CDH12: variants seen among roughly 807,000 people sequenced by gnomAD.
CDH12 encodes the protein cadherin 12.
In CDH12, 41 loss-of-function variants were observed where a neutral mutation model predicts 74.1. The ratio of observed to expected loss-of-function variants is 0.55; its 90% CI spans 0.43 to 0.72. CDH12 has a LOEUF of 0.72. Ranked by LOEUF, CDH12 falls within the 30% of genes least tolerant of loss-of-function variation. The pLI, the probability that CDH12 is intolerant of heterozygous loss-of-function variation, is 0.00. For synonymous variants in CDH12, 399 were observed against 355.0 expected (o/e 1.12, Z -1.39); for missense variants, 945 against 977.2 (o/e 0.97, Z 0.44).
intron 1 of CDH12, among the ~76,000 whole-genome samples, chr5:22,603,688 T>A (rs903086404): frequency 1.3e-5 from 2 of 152,146 alleles, no homozygotes; most frequent in African/African-American, 4.8e-5. Flanking sequence ...TCAAATAATT[T>A]GATCTCAGAA....
chr5:22,002,198 T>C (rs1339267041), intron 5 of CDH12, among the ~76,000 whole-genome samples: 1 of 152,174 alleles, frequency 6.6e-6, no homozygotes, highest in Non-Finnish European at 1.5e-5. Context: ...TGATAGTCAT[T>C]TAATTTTGTA....
intron 3 of CDH12, among the ~76,000 whole-genome samples, chr5:22,302,369 TG>T (rs1737922910): frequency 3.9e-5 from 6 of 152,188 alleles, no homozygotes; most frequent in Admixed American, 2.6e-4. Context: ...TATATAAGTG[TG>T]ATAAAATTTC....
chr5:21,977,026 T>C (rs1449242462), intron 5 of CDH12, among the ~76,000 whole-genome samples: 1 of 152,106 alleles, frequency 6.6e-6, no homozygotes, highest in Admixed American at 6.5e-5. Flanking sequence ...TTCATATTAA[T>C]GTTATTAAGG....
chr5:22,828,853 G>A (rs1394044846), intron 1 of CDH12, among the ~76,000 whole-genome samples: 1 of 152,074 alleles, frequency 6.6e-6, no homozygotes, highest in African/African-American at 2.4e-5. Context: ...CATGATAGTT[G>A]TATGTTTATA....
At chr5:22,712,829 A>G (rs944968180) in intron 1 of CDH12, among the ~76,000 whole-genome samples, 23 of 152,306 alleles carry the variant, frequency 1.5e-4, no homozygotes, top group African/African-American at 5.5e-4. Context: ...CATTTTCCCA[A>G]CAAATAAAAA....
intron 1 of CDH12, among the ~76,000 whole-genome samples, chr5:22,758,682 C>T (rs1195340189): frequency 6.6e-6 from 1 of 151,968 alleles, no homozygotes; most frequent in African/African-American, 2.4e-5. Context: ...TAAATTGTAA[C>T]ATCATATTTT....
chr5:22,746,169 G>C (rs1354965858), intron 1 of CDH12, among the ~76,000 whole-genome samples: 1 of 152,144 alleles, frequency 6.6e-6, no homozygotes, highest in Non-Finnish European at 1.5e-5. Flanking sequence ...GGTATATATA[G>C]AAGTTGTATC....
chr5:21,877,014 C>A (rs774278740), intron 6 of CDH12, among the ~76,000 whole-genome samples: 18 of 152,148 alleles, frequency 1.2e-4, no homozygotes, highest in Admixed American at 5.2e-4. Context: ...AACAGCCTGG[C>A]CAACATGGCA....
chr5:22,371,676 T>A lies in CDH12; in HGVS notation c.-333+33581A>T, dbSNP rs557940668. Among the ~76,000 whole-genome samples, 256 of 152,332 alleles carry A rather than the reference T, an allele frequency of 1.7e-3. 2 individuals carry two copies. Among genetic ancestry groups the A allele is most frequent in the African/African-American group, 6.1e-3 (253 of 41,592 alleles). Reference sequence around the variant, plus strand: ...GTCTGTTTTAATAAGCATCTTGTATTATGTGAATTAACTAGCTTTTAAAAT... The same window carrying A: ...GTCTGTTTTAATAAGCATCTTGTATAATGTGAATTAACTAGCTTTTAAAAT... On this transcript the variant is annotated intron_variant, in intron 3 of 14. Transcript: ENST00000382254.
At chr5:22,457,753 A>AT (rs1332281073) in intron 2 of CDH12, among the ~76,000 whole-genome samples, 25 of 101,992 alleles carry the variant, frequency 2.5e-4, no homozygotes, top group East Asian at 5.9e-4. Context: ...TAATTTTTTT[A>AT]TTTTTTTTTG....
intron 1 of CDH12, among the ~76,000 whole-genome samples, chr5:22,783,074 T>A (rs1747462534): frequency 6.6e-6 from 1 of 152,170 alleles, no homozygotes; most frequent in Non-Finnish European, 1.5e-5. Context: ...GGCTAATTCA[T>A]AATACAATGC....
At chr5:21,789,696 C>G (rs186308779) in intron 10 of CDH12, among the ~76,000 whole-genome samples, 3 of 152,188 alleles carry the variant, frequency 2.0e-5, no homozygotes, top group African/African-American at 7.2e-5. Context: ...TTACTTCCAT[C>G]TTTGAAAATC....
At chr5:21,789,073 T>C (rs143842179) in intron 10 of CDH12, among the ~76,000 whole-genome samples, 1 of 152,130 alleles carries the variant, frequency 6.6e-6, no homozygotes, top group African/African-American at 2.4e-5. Flanking sequence ...AGTTTTGCCA[T>C]ATATGACTTA....
chr5:21,914,095 C>G (rs1355402320), intron 6 of CDH12, among the ~76,000 whole-genome samples: 1 of 152,124 alleles, frequency 6.6e-6, no homozygotes, highest in Admixed American at 6.6e-5. Context: ...TACACTAAGG[C>G]ATTATTGCTT....
Position 21,750,952 on chromosome 5 carries a change from T to TTTTC in CDH12, c.*784_*785insGAAA, listed in dbSNP as rs1332944241. On this transcript the variant is annotated 3_prime_UTR_variant, in exon 15 of 15. Transcript: ENST00000382254. The stretch of plus-strand genomic sequence containing the variant: ...ATAAAGAGGAATATTTTTTCTTTTT[T>TTTTC]TTCTTTCTTTTTTTTTTGGAAAAGA... 1 of 151,982 alleles carries TTTTC rather than the reference T, an allele frequency of 6.6e-6. No homozygotes were observed. Among genetic ancestry groups the TTTTC allele is most frequent in the African/African-American group, 2.4e-5 (1 of 41,412 alleles). The allele number at this position is 151,982 out of a possible 1,614,324, so 9.4% of individuals were successfully genotyped here. A position where few individuals can be genotyped will look rare whatever the true frequency, so the allele number is the denominator to read the frequency against.
chr5:22,841,490 G>A (rs868198187), intron 1 of CDH12, among the ~76,000 whole-genome samples: 3 of 152,264 alleles, frequency 2.0e-5, no homozygotes, highest in South Asian at 4.1e-4. Context: ...TTGAGTATAG[G>A]AGATTAGATT....
At chr5:22,324,333 T>C (rs965783358) in intron 3 of CDH12, among the ~76,000 whole-genome samples, 1 of 152,064 alleles carries the variant, frequency 6.6e-6, no homozygotes, top group African/African-American at 2.4e-5. Flanking sequence ...ATCATTATCA[T>C]TTTTTATTCA....
intron 6 of CDH12, among the ~76,000 whole-genome samples, chr5:21,953,465 A>T (rs1402309605): frequency 1.3e-5 from 2 of 152,118 alleles, no homozygotes; most frequent in Non-Finnish European, 2.9e-5. Context: ...AACCTCTTTA[A>T]ATATATTTTG....
chr5:22,643,249 T>C (rs1291991681), intron 1 of CDH12, among the ~76,000 whole-genome samples: 2 of 152,170 alleles, frequency 1.3e-5, no homozygotes. Flanking sequence ...ATTTCAATTG[T>C]TTGCTCTGGG....
Sources: allele counts gnomAD v4.1 joint callset (sites outside exome capture counted in the v4.1 genomes callset), GRCh38; gene constraint gnomAD v4.1.1; transcripts MANE v1.5; gene names NCBI Gene and HGNC (gene_info 2026-07-23, HGNC 2026-07-21).